The following PHACTR2 variants were observed in gnomAD, a reference collection of about 807,000 sequenced individuals.
PHACTR2 encodes chromosome 6 open reading frame 56.
A neutral mutation model predicts 76.0 loss-of-function variants in PHACTR2; 30 were observed. That is an observed-to-expected ratio of 0.39 (90% CI 0.30 to 0.54). PHACTR2 has a LOEUF of 0.54. Ranked by LOEUF, PHACTR2 falls within the 20% of genes least tolerant of loss-of-function variation. The probability of loss-of-function intolerance (pLI) is 0.61; values close to 1 mark genes in which losing one functional copy is unlikely to be tolerated. For synonymous variants in PHACTR2, 292 were observed against 292.5 expected (o/e 1.00, Z 0.02); for missense variants, 696 against 781.1 (o/e 0.89, Z 1.30).
Position 143,774,628 on chromosome 6 carries a change from T to C in PHACTR2, c.1589+413T>C, listed in dbSNP as rs769618660. 3.3e-5 allele frequency among the ~76,000 whole-genome samples: 5 copies of C among 152,224 alleles called. No homozygotes were observed. Among genetic ancestry groups the C allele is most frequent in the Admixed American group, 6.5e-5 (1 of 15,286 alleles). ...TGGATTTGGCCTGCAGATCACAGTT[T>C]GCTCAACAATCCTGGCCTAATTTAT... On this transcript the variant is annotated intron_variant, in intron 8 of 12. Coordinates refer to ENST00000440869, the MANE Select transcript of PHACTR2 (RefSeq NM_001100164.2). The surrounding 1 kb of genome is among the most constrained non-coding windows in gnomAD (Gnocchi z 5.4).
chr6:143,797,709 T>A (rs1251007827), intron 11 of PHACTR2, among the ~76,000 whole-genome samples: 4 of 152,154 alleles, frequency 2.6e-5, no homozygotes, highest in Non-Finnish European at 4.4e-5. Context: ...TTGTCAAAGA[T>A]CAGGTGGTGG....
intron 6 of PHACTR2, among the ~76,000 whole-genome samples, chr6:143,771,232 A>ATATATATATATATATATATT (rs1639105053): frequency 1.1e-5 from 1 of 92,130 alleles, no homozygotes; most frequent in South Asian, 3.5e-4. Flanking sequence ...ATATATATAT[A>ATATATATATATATATATATT]TATGCTTTTT....
chr6:143,756,392 T>TTA (rs1436676506), intron 4 of PHACTR2, among the ~76,000 whole-genome samples: 3 of 152,048 alleles, frequency 2.0e-5, no homozygotes, highest in South Asian at 2.1e-4. Context: ...GTAAGTGCCT[T>TTA]TATATATATA....
At chr6:143,682,155 G>T (rs977561474) in intron 1 of PHACTR2, among the ~76,000 whole-genome samples, 6 of 152,294 alleles carry the variant, frequency 3.9e-5, no homozygotes, top group Middle Eastern at 3.4e-3. Context: ...GATCAATTTG[G>T]GTAGTACTGC....
At chr6:143,576,380 G>A (rs1243186164) in intron 1 of PHACTR2, among the ~76,000 whole-genome samples, 1 of 152,288 alleles carries the variant, frequency 6.6e-6, no homozygotes, top group East Asian at 1.9e-4. Context: ...TTGCTGAATT[G>A]CATTAATTCA....
At position 143,592,995 on chromosome 6, in the gene PHACTR2, C is replaced by A. The variant is rs1349539687; in HGVS notation, c.217+55788C>A. On this transcript the variant is annotated intron_variant, in intron 1 of 11. Transcript: ENST00000367584. This position sits in a 1 kb window ranked among gnomAD's most constrained non-coding sequence, Gnocchi z 4.0. ...AGTCGATACTATTGTAAGCTGAGAT[C>A]ATGCCACTGCACCTGCACTCCGGCC... Among the ~76,000 whole-genome samples, 1 of 139,076 alleles carries A rather than the reference C, an allele frequency of 7.2e-6. No homozygotes were observed. Among genetic ancestry groups the A allele is most frequent in the East Asian group, 2.2e-4 (1 of 4,620 alleles). 91.2% of individuals were successfully genotyped at this position (139,076 alleles called of 152,430 possible).
In PHACTR2 at chr6:143,765,918, G is replaced by A; in HGVS notation, c.1232+120G>A. The A allele has an allele frequency of 1.2e-6, 1 of 812,646 alleles. No individual in the cohort carries two copies. The highest frequency in any genetic ancestry group is 1.9e-6 in the Non-Finnish European group (1 of 524,796). 50.3% of individuals were successfully genotyped at this position (812,646 alleles called of 1,614,324 possible). A position where few individuals can be genotyped will look rare whatever the true frequency, so the allele number is the denominator to read the frequency against. On this transcript the variant is annotated intron_variant, in intron 6 of 12. Coordinates refer to ENST00000440869, the MANE Select transcript of PHACTR2 (RefSeq NM_001100164.2). This position sits in a 1 kb window ranked among gnomAD's most constrained non-coding sequence, Gnocchi z 4.1. ...AATTTAATCTACTGAGTGTTAGGTA[G>A]GCATACATGTGATCCAACCATTGCT...
In PHACTR2 at chr6:143,800,210, A is replaced by G. The variant is rs1775920161; in HGVS notation, c.1846-6847A>G. On this transcript the variant is annotated intron_variant, in intron 11 of 12. Transcript: ENST00000440869. The surrounding 1 kb of genome is among the most constrained non-coding windows in gnomAD (Gnocchi z 4.8). ...AGAGACCAGGATTGCAACCTGTGCT[A>G]TTTTTTTACTTTCTATTTGCTTGGT... 6.6e-6 allele frequency among the ~76,000 whole-genome samples: 1 copy of G among 151,772 alleles called. No individual in the cohort carries two copies. The highest frequency in any genetic ancestry group is 2.4e-5 in the African/African-American group (1 of 41,308).
At chr6:143,629,219 C>T (rs1040923254) in intron 1 of PHACTR2, among the ~76,000 whole-genome samples, 1 of 151,878 alleles carries the variant, frequency 6.6e-6, no homozygotes, top group Non-Finnish European at 1.5e-5. Context: ...ATGCCCTCTC[C>T]CTAAGCATCT....
At chr6:143,703,006 G>T (rs925909065) in intron 1 of PHACTR2, among the ~76,000 whole-genome samples, 1 of 151,270 alleles carries the variant, frequency 6.6e-6, no homozygotes, top group African/African-American at 2.4e-5. Flanking sequence ...CTAAGTTAAA[G>T]TTCAAGAAGT....
Position 143,776,118 on chromosome 6 carries a change from T to A in PHACTR2, c.1590-1210T>A, listed in dbSNP as rs1373986052. Among the ~76,000 whole-genome samples, 3 of 151,992 alleles carry A rather than the reference T, an allele frequency of 2.0e-5. No individual in the cohort carries two copies. In the South Asian group the frequency reaches 6.2e-4, roughly 31 times the overall value. On this transcript the variant is annotated intron_variant, in intron 8 of 12. Transcript: ENST00000440869. This position sits in a 1 kb window ranked among gnomAD's most constrained non-coding sequence, Gnocchi z 5.3. The stretch of plus-strand genomic sequence containing the variant: ...CTGGGCAACAGAGTGAGACTCCATC[T>A]CAAAAAAAATGTAAAAATAAATTTA...
In PHACTR2 at chr6:143,546,059, T is replaced by A. The variant is rs2128426808; in HGVS notation, c.217+8852T>A. Reference sequence around the variant, plus strand: ...CCAAGAACCATATCTTGTCTCAAGGTACAAGTGTAGTTTCGGTTACAGTGA... The same window carrying A: ...CCAAGAACCATATCTTGTCTCAAGGAACAAGTGTAGTTTCGGTTACAGTGA... On this transcript the variant is annotated intron_variant, in intron 1 of 11. Coordinates refer to the PHACTR2 transcript ENST00000367584. This position sits in a 1 kb window ranked among gnomAD's most constrained non-coding sequence, Gnocchi z 4.9. Among the ~76,000 whole-genome samples the A allele has an allele frequency of 6.6e-6, 1 of 152,330 alleles. No homozygotes were observed. The highest frequency in any genetic ancestry group is 1.5e-5 in the Non-Finnish European group (1 of 68,032).
chr6:143,563,561 A>AAACAAAAC (rs1237343036), intron 1 of PHACTR2, among the ~76,000 whole-genome samples: 19 of 148,102 alleles, frequency 1.3e-4, no homozygotes, highest in African/African-American at 4.7e-4. Context: ...CAAAAAAAAA[A>AAACAAAAC]AAAAAAAAAA....
chr6:143,758,058 C>A (rs1015745509), intron 4 of PHACTR2, among the ~76,000 whole-genome samples: 5 of 152,032 alleles, frequency 3.3e-5, no homozygotes, highest in Non-Finnish European at 5.9e-5. Flanking sequence ...TCAAGAGGAG[C>A]GGACGTATTC....
intron 3 of PHACTR2, among the ~76,000 whole-genome samples, chr6:143,749,401 T>G (rs1341311279): frequency 6.6e-6 from 1 of 152,204 alleles, no homozygotes; most frequent in African/African-American, 2.4e-5. Context: ...TCTATTCACA[T>G]GAAACTCATG....
Position 143,620,018 on chromosome 6 carries a change from G to A in PHACTR2, c.13+11696G>A, listed in dbSNP as rs567175968. On this transcript the variant is annotated intron_variant, in intron 1 of 11. Coordinates refer to the PHACTR2 transcript ENST00000305766. Reference sequence around the variant, plus strand: ...TTTCACAACATTCATTAACCTTAGGGTCACTTTTTTAAGTTAAGGAAGTTC... The same window carrying A: ...TTTCACAACATTCATTAACCTTAGGATCACTTTTTTAAGTTAAGGAAGTTC... Among the ~76,000 whole-genome samples the A allele has an allele frequency of 9.8e-4, 149 of 152,180 alleles. 1 individual carries two copies. The Middle Eastern group carries it at 0.01, about 10-fold the overall frequency.
chr6:143,576,308 C>T (rs1775509907), intron 1 of PHACTR2, among the ~76,000 whole-genome samples: 1 of 152,196 alleles, frequency 6.6e-6, no homozygotes, highest in South Asian at 2.1e-4. Context: ...TCTTCTCACG[C>T]ATTTTCTAGA....
chr6:143,790,683 T>TC (rs1380985267), intron 11 of PHACTR2, among the ~76,000 whole-genome samples: 1 of 151,598 alleles, frequency 6.6e-6, no homozygotes, highest in African/African-American at 2.4e-5. Context: ...ATTCTTTTTT[T>TC]TTTTTTTTGA....
intron 1 of PHACTR2, among the ~76,000 whole-genome samples, chr6:143,629,590 A>G (rs888393444): frequency 6.6e-6 from 1 of 152,136 alleles, no homozygotes; most frequent in Admixed American, 6.5e-5. Flanking sequence ...TGAAGATTTT[A>G]CTAGCCACTT....
Sources: allele counts gnomAD v4.1 joint callset (sites outside exome capture counted in the v4.1 genomes callset), GRCh38; gene constraint gnomAD v4.1.1; non-coding constraint Gnocchi (gnomAD v3.1); transcripts MANE v1.5; gene names NCBI Gene and HGNC (gene_info 2026-07-23, HGNC 2026-07-21).